Variants in USP6NL observed in about 807,000 individuals in gnomAD.
The protein encoded by USP6NL is USP6 N-terminal-like protein.
In USP6NL, 26 loss-of-function variants were observed where a neutral mutation model predicts 61.9. That is an observed-to-expected ratio of 0.42 (90% CI 0.31 to 0.58). The LOEUF (loss-of-function observed/expected upper bound fraction) is 0.58, where lower values mean the gene tolerates loss of function less well. USP6NL is among the 20% of genes least tolerant of loss of function. The probability of loss-of-function intolerance (pLI) is 0.16; values close to 1 mark genes in which losing one functional copy is unlikely to be tolerated. For missense variants in USP6NL, 1,114 were observed against 1,034.3 expected (o/e 1.08, Z -1.06); for synonymous variants, 432 against 390.1 (o/e 1.11, Z -1.27).
intron 3 of USP6NL, 41 bp downstream of exon 3, chr10:11,527,459 T>C: frequency 6.5e-7 from 1 of 1,537,470 alleles, no homozygotes; most frequent in East Asian, 2.4e-5. Context: ...ATATGGTTTT[T>C]CTAATAAAAC....
chr10:11,505,970 A>G (rs755083534), intron 6 of USP6NL, among the ~76,000 whole-genome samples: 6 of 152,198 alleles, frequency 3.9e-5, no homozygotes, highest in Non-Finnish European at 8.8e-5. Context: ...CATCTAAAAA[A>G]GTTTTAAACC....
chr10:11,494,974 T>G (rs1370168158), intron 7 of USP6NL, among the ~76,000 whole-genome samples: 1 of 151,370 alleles, frequency 6.6e-6, no homozygotes, highest in Non-Finnish European at 1.5e-5. Context: ...AGGAGCAGAG[T>G]CTTCTCTAAA....
intron 6 of USP6NL, among the ~76,000 whole-genome samples, chr10:11,509,253 G>A (rs1834594254): frequency 6.6e-6 from 1 of 152,140 alleles, no homozygotes; most frequent in Admixed American, 6.5e-5. Context: ...GACCTCAAAG[G>A]GAAGCCAACC....
chr10:11,462,734 C>A lies in USP6NL; in HGVS notation c.2194G>T (p.Asp732Tyr), dbSNP rs766862751. The A allele has an allele frequency of 1.2e-6, 2 of 1,614,022 alleles. No homozygotes were observed. The highest frequency in any genetic ancestry group is 8.5e-7 in the Non-Finnish European group (1 of 1,179,890). The part of the protein sequence containing the change: ...LIIPPVDYLP[D>Y]NRTWSEVSYT... Reference sequence around the variant, plus strand: ...CTAACTTCTGACCATGTTCTGTTATCTGGCAAGTAATCCACTGGTGGAATG... The same window carrying A: ...CTAACTTCTGACCATGTTCTGTTATATGGCAAGTAATCCACTGGTGGAATG... Residue 732 changes from aspartate (D) to tyrosine (Y), a missense_variant, in exon 15 of 15, where the codon GAT becomes TAT. Asp to Tyr is a radical substitution (Grantham distance 160). Coordinates refer to ENST00000609104, the MANE Select transcript of USP6NL (RefSeq NM_014688.5).
Position 11,540,963 on chromosome 10 carries a change from A to C in USP6NL, c.5-13396T>G, listed in dbSNP as rs1036195301. The stretch of plus-strand genomic sequence containing the variant: ...TGGGATTTAATAAATAAAAGTGCTC[A>C]TATCACACTAAAAGTGTCACTCATT... On this transcript the variant is annotated intron_variant, in intron 2 of 14. Coordinates refer to ENST00000609104, the MANE Select transcript of USP6NL (RefSeq NM_014688.5). This position sits in a 1 kb window ranked among gnomAD's most constrained non-coding sequence, Gnocchi z 5.0. 6.6e-6 allele frequency among the ~76,000 whole-genome samples: 1 copy of C among 151,940 alleles called. No individual in the cohort carries two copies. Among genetic ancestry groups the C allele is most frequent in the African/African-American group, 2.4e-5 (1 of 41,384 alleles).
At position 11,465,668 on chromosome 10, in the gene USP6NL, C is replaced by CT; in HGVS notation, c.1079-1820_1079-1819insA. On this transcript the variant is annotated intron_variant, in intron 14 of 14. Coordinates refer to ENST00000609104, the MANE Select transcript of USP6NL (RefSeq NM_014688.5). The surrounding 1 kb of genome is among the most constrained non-coding windows in gnomAD (Gnocchi z 4.5). ...CACACCGTGCTGGCAGCGGAAGCAC[C>CT]CAAGCTGCTCTCAGTGCTGCCTGGA... Among the ~76,000 whole-genome samples the CT allele has an allele frequency of 6.6e-6, 1 of 152,280 alleles. No individual in the cohort carries two copies. Among genetic ancestry groups the CT allele is most frequent in the Middle Eastern group, 3.4e-3 (1 of 294 alleles).
rs768241374 is a variant in USP6NL at position 11,525,514 on chromosome 10, T to C, written c.73-46A>G. On this transcript the variant is annotated intron_variant, in intron 3 of 14. Transcript: ENST00000609104. This position sits in a 1 kb window ranked among gnomAD's most constrained non-coding sequence, Gnocchi z 5.0. ...AGGTGTTAATCAGAGTTTATAAAACTGAATAATTTTTTAAAATAAAAGGAC... is the reference window on the plus strand; with the variant it reads ...AGGTGTTAATCAGAGTTTATAAAACCGAATAATTTTTTAAAATAAAAGGAC... The C allele has an allele frequency of 7.5e-6, 11 of 1,458,946 alleles. No homozygotes were observed. The African/African-American group carries it at 8.8e-5, about 12-fold the overall frequency. The allele number at this position is 1,458,946 out of a possible 1,614,324, so 90.4% of individuals were successfully genotyped here.
intron 6 of USP6NL, among the ~76,000 whole-genome samples, chr10:11,506,913 T>C (rs1591859766): frequency 6.6e-6 from 1 of 152,348 alleles, no homozygotes; most frequent in South Asian, 2.1e-4. Flanking sequence ...CTAGTTTTTT[T>C]ACTTGAATGC....
At chr10:11,541,943 G>A (rs1230258077) in intron 2 of USP6NL, among the ~76,000 whole-genome samples, 1 of 152,174 alleles carries the variant, frequency 6.6e-6, no homozygotes, top group African/African-American at 2.4e-5. Flanking sequence ...ACGGTGACTA[G>A]AAAGGAAAAC....
chr10:11,472,635 C>T (rs546177997), intron 14 of USP6NL, among the ~76,000 whole-genome samples: 2 of 152,330 alleles, frequency 1.3e-5, no homozygotes. Flanking sequence ...ATATTGCTGA[C>T]TTCAAATATA....
intron 6 of USP6NL, among the ~76,000 whole-genome samples, chr10:11,502,276 A>C (rs1834235247): frequency 6.7e-6 from 1 of 149,760 alleles, no homozygotes; most frequent in East Asian, 2.0e-4. Flanking sequence ...AAAAAAAAAG[A>C]AACATTTGTG....
rs554515661 is a variant in USP6NL at position 11,465,000 on chromosome 10, C to T, written c.1079-1151G>A. Among the ~76,000 whole-genome samples the T allele has an allele frequency of 3.5e-4, 53 of 150,494 alleles. 1 individual carries two copies. In the South Asian group the frequency reaches 0.011, roughly 32 times the overall value. On this transcript the variant is annotated intron_variant, in intron 14 of 14. Transcript: ENST00000609104. ...CAATAAAAATAAAATTAAAACCTAT[C>T]CAGATTCCTCCAAAAGTTTTTTTCT...
rs893569698 is a variant in USP6NL, at chr10:11,525,999, A to G, written c.73-531T>C. ...CAGTCAGACCTGCTGCACGCTCTTC[A>G]GGCCTCATCTAACGGATCTCTGAAG... On this transcript the variant is annotated intron_variant, in intron 3 of 14. Transcript: ENST00000609104. The surrounding 1 kb of genome is among the most constrained non-coding windows in gnomAD (Gnocchi z 5.0). Among the ~76,000 whole-genome samples the G allele has an allele frequency of 2.0e-5, 3 of 152,176 alleles. No individual in the cohort carries two copies. The highest frequency in any genetic ancestry group is 7.2e-5 in the African/African-American group (3 of 41,432).
At chr10:11,505,960 C>T (rs1834414193) in intron 6 of USP6NL, among the ~76,000 whole-genome samples, 1 of 152,158 alleles carries the variant, frequency 6.6e-6, no homozygotes, top group Non-Finnish European at 1.5e-5. Context: ...CCCAAATCTG[C>T]ATCTAAAAAA....
chr10:11,555,433 A>AAAATATATATAT (rs1275798295), intron 2 of USP6NL, among the ~76,000 whole-genome samples: 2 of 49,028 alleles, frequency 4.1e-5, no homozygotes, highest in Non-Finnish European at 6.8e-5. Flanking sequence ...AAAAAAAAAA[A>AAAATATATATAT]ATATATATAT....
In USP6NL at chr10:11,597,126, C is replaced by T. The variant is rs1461807982; in HGVS notation, c.4+505G>A. On this transcript the variant is annotated intron_variant, in intron 2 of 14. Coordinates refer to ENST00000609104, the MANE Select transcript of USP6NL (RefSeq NM_014688.5). This position sits in a 1 kb window ranked among gnomAD's most constrained non-coding sequence, Gnocchi z 4.6. ...GAATAGAGAGAAAATATTACATATA[C>T]TATCCCCTTACAACTAAGAAGATAA... is the stretch of plus-strand genomic sequence containing the variant. 1.3e-5 allele frequency among the ~76,000 whole-genome samples: 2 copies of T among 152,140 alleles called. No individual in the cohort carries two copies. The highest frequency in any genetic ancestry group is 2.9e-5 in the Non-Finnish European group (2 of 68,026).
rs1837460882 is a variant in USP6NL, at chr10:11,574,141, GT to G, written c.4+23489del. Among the ~76,000 whole-genome samples, 1 of 152,190 alleles carries G rather than the reference GT, an allele frequency of 6.6e-6. No homozygotes were observed. Among genetic ancestry groups the G allele is most frequent in the Non-Finnish European group, 1.5e-5 (1 of 68,032 alleles). On this transcript the variant is annotated intron_variant, in intron 2 of 14. Transcript: ENST00000609104. This position sits in a 1 kb window ranked among gnomAD's most constrained non-coding sequence, Gnocchi z 4.3. Reference sequence around the variant, plus strand: ...GTAGTCAACCAAAATACCCTGCACTGTCGAAAGCCTTAATACTTTTTTCCAA... The same window carrying G: ...GTAGTCAACCAAAATACCCTGCACTGCGAAAGCCTTAATACTTTTTTCCAA...
chr10:11,565,129 A>T (rs1837086430), intron 2 of USP6NL: 2 of 152,180 alleles, frequency 1.3e-5, no homozygotes, highest in African/African-American at 4.8e-5. Context: ...CCTAAATCAT[A>T]CCTGGATGTC....
intron 4 of USP6NL, among the ~76,000 whole-genome samples, chr10:11,522,928 G>A (rs1468056219): frequency 6.6e-6 from 1 of 152,210 alleles, no homozygotes; most frequent in African/African-American, 2.4e-5. Context: ...GACGCTCACT[G>A]TCAATACAAC....
Sources: gnomAD v4.1 joint callset for allele counts (sites outside exome capture counted in the v4.1 genomes callset) on GRCh38, gnomAD v4.1.1 for gene constraint, Gnocchi (gnomAD v3.1) non-coding constraint, MANE v1.5 for transcripts, NCBI Gene and HGNC (gene_info 2026-07-23, HGNC 2026-07-21) for gene names.